The following NUP214 variants were observed in gnomAD, a reference collection of about 807,000 sequenced individuals.
NUP214 encodes nuclear pore complex protein Nup214.
In NUP214, 79 loss-of-function variants were observed where a neutral mutation model predicts 196.2. The ratio of observed to expected loss-of-function variants is 0.40; its 90% CI spans 0.34 to 0.49. The LOEUF (loss-of-function observed/expected upper bound fraction) is 0.49, where lower values mean the gene tolerates loss of function less well. Among genes scored for constraint, NUP214 ranks in the 20% least tolerant of loss-of-function variants. The pLI, the probability that NUP214 is intolerant of heterozygous loss-of-function variation, is 0.58. For synonymous variants in NUP214, 1,020 were observed against 990.5 expected, an observed-to-expected ratio of 1.03 and a Z score of -0.56; for missense variants, 2,468 against 2,539.0, an observed-to-expected ratio of 0.97 and a Z score of 0.60.
intron 5 of NUP214, among the ~76,000 whole-genome samples, chr9:131,131,718 C>T (rs1156230125): frequency 1.3e-5 from 2 of 151,928 alleles, no homozygotes; most frequent in Non-Finnish European, 2.9e-5. Context: ...TGGTCTTGCT[C>T]TGTTGCCCAG....
At chr9:131,141,518 CTG>C (rs1185520852) in intron 11 of NUP214, among the ~76,000 whole-genome samples, 1 of 126,176 alleles carries the variant, frequency 7.9e-6, no homozygotes. Flanking sequence ...GGGTCTTACT[CTG>C]TTGCCTAGGT....
chr9:131,200,290 T>C (rs1833904021), intron 29 of NUP214, among the ~76,000 whole-genome samples: 1 of 152,202 alleles, frequency 6.6e-6, no homozygotes, highest in Non-Finnish European at 1.5e-5. Flanking sequence ...GAAATGAGAA[T>C]AGAGGCTGGG....
At chr9:131,130,166 C>T (rs1198607803) in intron 4 of NUP214, among the ~76,000 whole-genome samples, 3 of 48,620 alleles carry the variant, frequency 6.2e-5, no homozygotes, top group African/African-American at 1.8e-4. Flanking sequence ...TTTTTTGAGA[C>T]AGAGTCTTGC....
At chr9:131,223,426 A>G (rs991292633) in intron 32 of NUP214, among the ~76,000 whole-genome samples, 54 of 152,104 alleles carry the variant, frequency 3.6e-4, no homozygotes, top group African/African-American at 1.3e-3. Flanking sequence ...CGGCCTCCCA[A>G]AGTGCTGGGA....
At chr9:131,209,249 A>C (rs1338399102) in intron 30 of NUP214, among the ~76,000 whole-genome samples, 1 of 151,842 alleles carries the variant, frequency 6.6e-6, no homozygotes, top group African/African-American at 2.4e-5. Flanking sequence ...GTGGCAGTGC[A>C]TGCCTGTAGT....
At chr9:131,228,550 C>G in intron 33 of NUP214, 2 of 444,500 alleles carry the variant, frequency 4.5e-6, no homozygotes, top group Non-Finnish European at 3.9e-6. Flanking sequence ...AGCTGTGTTG[C>G]TGTTCCCTGG....
intron 18 of NUP214, among the ~76,000 whole-genome samples, chr9:131,160,931 C>G (rs1020201054): frequency 1.3e-5 from 2 of 152,230 alleles, no homozygotes; most frequent in Middle Eastern, 3.2e-3. Flanking sequence ...GCTCACACAC[C>G]TGGTTCTGAT....
chr9:131,156,117 G>A (rs1199041450), intron 17 of NUP214, among the ~76,000 whole-genome samples: 1 of 149,242 alleles, frequency 6.7e-6, no homozygotes, highest in Non-Finnish European at 1.5e-5. Context: ...ATGAGCATGG[G>A]ATGTATTTCT....
chr9:131,145,063 A>AATAC (rs1307815506), intron 12 of NUP214, among the ~76,000 whole-genome samples: 4 of 152,174 alleles, frequency 2.6e-5, no homozygotes, highest in Admixed American at 6.5e-5. Flanking sequence ...AGCAATCCAG[A>AATAC]GTATGCATCC....
At chr9:131,171,755 C>T (rs558508480) in intron 21 of NUP214, among the ~76,000 whole-genome samples, 12 of 152,148 alleles carry the variant, frequency 7.9e-5, no homozygotes, top group African/African-American at 2.4e-4. Flanking sequence ...TTCCTGTGTC[C>T]ATGTGTTCTC....
At chr9:131,149,626 C>G (rs1320767377) in intron 14 of NUP214, among the ~76,000 whole-genome samples, 3 of 152,052 alleles carry the variant, frequency 2.0e-5, no homozygotes, top group Admixed American at 6.6e-5. Flanking sequence ...ACTACTCTCT[C>G]TGCTATCCCT....
At position 131,215,897 on chromosome 9, in the gene NUP214, A is replaced by ATTT. The variant is rs768564629; in HGVS notation, c.5749+549_5749+551dup. ...TATCTGCCAGTACTTTCTTTAGCTA[A>ATTT]TTTTTTTTTTTTTTTTTTTTTTGAG... On this transcript the variant is annotated intron_variant, in intron 31 of 35. Transcript: ENST00000359428. Among the ~76,000 whole-genome samples, 91 of 123,696 alleles carry ATTT rather than the reference A, an allele frequency of 7.4e-4. 1 individual carries two copies. Among genetic ancestry groups the ATTT allele is most frequent in the Non-Finnish European group, 1.0e-3 (61 of 58,556 alleles). 81.1% of individuals were successfully genotyped at this position (123,696 alleles called of 152,430 possible). A position where few individuals can be genotyped will look rare whatever the true frequency, so the allele number is the denominator to read the frequency against.
intron 31 of NUP214, among the ~76,000 whole-genome samples, chr9:131,222,261 T>C (rs541564983): frequency 7.9e-5 from 12 of 152,376 alleles, no homozygotes; most frequent in East Asian, 5.8e-4. Context: ...ATAAGCATGC[T>C]GAACTTGACT....
chr9:131,208,393 C>T (rs547875087), intron 30 of NUP214, among the ~76,000 whole-genome samples: 17 of 152,316 alleles, frequency 1.1e-4, no homozygotes, highest in African/African-American at 4.1e-4. Context: ...TATTTTTCAG[C>T]CATAAAAAGG....
At chr9:131,174,879 A>G (rs1017131990) in intron 22 of NUP214, among the ~76,000 whole-genome samples, 2 of 152,180 alleles carry the variant, frequency 1.3e-5, no homozygotes, top group Non-Finnish European at 2.9e-5. Flanking sequence ...ATGCGCTATA[A>G]CAGTTTTTCT....
chr9:131,174,813 T>A lies in NUP214; in HGVS notation c.3157+495T>A, dbSNP rs183848425. ...GAAGACTGATTGAAAAGATGTGTGT[T>A]CCCCTTGAAAGCAGTTGCTAGGCCA... On this transcript the variant is annotated intron_variant, in intron 22 of 35. Transcript: ENST00000359428. Among the ~76,000 whole-genome samples the A allele has an allele frequency of 3.3e-5, 5 of 152,258 alleles. No individual in the cohort carries two copies. In the East Asian group the frequency reaches 9.6e-4, roughly 29 times the overall value.
rs575553681 is a variant in NUP214 at position 131,128,590 on chromosome 9, T to C, written c.393+107T>C. ...TAGGTTAACCCTTGAAGTTTCTCTC[T>C]AGATTAAAATATGGGTTAAAAAAAA... On this transcript the variant is annotated intron_variant, in intron 3 of 35. Coordinates refer to ENST00000359428, the MANE Select transcript of NUP214 (RefSeq NM_005085.4). 13 of 925,420 alleles carry C rather than the reference T, an allele frequency of 1.4e-5. No individual in the cohort carries two copies. In the South Asian group the frequency reaches 3.1e-4, roughly 22 times the overall value. 57.3% of individuals were successfully genotyped at this position (925,420 alleles called of 1,614,324 possible). A position where few individuals can be genotyped will look rare whatever the true frequency, so the allele number is the denominator to read the frequency against.
intron 32 of NUP214, among the ~76,000 whole-genome samples, chr9:131,224,083 A>G (rs1365523086): frequency 6.6e-6 from 1 of 152,110 alleles, no homozygotes; most frequent in Non-Finnish European, 1.5e-5. Flanking sequence ...CACAATCCAC[A>G]TAAGTACACA....
intron 6 of NUP214, 193 bp from the exon 7 acceptor site, chr9:131,132,913 C>A: frequency 1.6e-6 from 1 of 619,234 alleles, no homozygotes; most frequent in Non-Finnish European, 2.8e-6. Flanking sequence ...GATTATAATC[C>A]AGCAGAAAAA....
Sources: allele counts gnomAD v4.1 joint callset (sites outside exome capture counted in the v4.1 genomes callset), GRCh38; gene constraint gnomAD v4.1.1; transcripts MANE v1.5; gene names NCBI Gene and HGNC (gene_info 2026-07-23, HGNC 2026-07-21).